FANCA: variants seen among roughly 807,000 people sequenced by gnomAD.
FANCA encodes the protein FA complementation group A.
A neutral mutation model predicts 194.3 loss-of-function variants in FANCA; 236 were observed. The ratio of observed to expected loss-of-function variants is 1.21; its 90% CI spans 1.09 to 1.35. The LOEUF (loss-of-function observed/expected upper bound fraction) is 1.35, where lower values mean the gene tolerates loss of function less well. Ranked by LOEUF, FANCA falls within the 40% of genes most tolerant of loss-of-function variation. The probability of loss-of-function intolerance (pLI) is 0.00; values close to 1 mark genes in which losing one functional copy is unlikely to be tolerated. For missense variants in FANCA, 2,628 were observed against 1,813.9 expected (o/e 1.45, Z -8.15); for synonymous variants, 1,014 against 715.8 (o/e 1.42, Z -6.65).
rs574463990 is a variant in FANCA at position 89,754,121 on chromosome 16, C to G, written c.2982-1899G>C. ...CCTGTAATCCCAGCTACTCGGGAGGCTGAGGCAGGAGAATCGCTTGAACCT... is the reference window on the plus strand; with the variant it reads ...CCTGTAATCCCAGCTACTCGGGAGGGTGAGGCAGGAGAATCGCTTGAACCT... On this transcript the variant is annotated intron_variant, in intron 30 of 42. Transcript: ENST00000389301. Among the ~76,000 whole-genome samples, 21 of 152,026 alleles carry G rather than the reference C, an allele frequency of 1.4e-4. No individual in the cohort carries two copies. In the South Asian group the frequency reaches 4.0e-3, roughly 29 times the overall value.
In FANCA at chr16:89,769,830, A is replaced by G. The variant is rs1212871121; in HGVS notation, c.2504+7T>C. On this transcript the variant is annotated splice_region_variant and intron_variant, in intron 26 of 42. Transcript: ENST00000389301. ...AGAGAAGACGCGACTGTGGAAGAAG[A>G]GCTCACTTCAGGCAGAAGAACAAGG... The G allele has an allele frequency of 1.5e-5, 24 of 1,613,976 alleles. No individual in the cohort carries two copies. Among genetic ancestry groups the G allele is most frequent in the Non-Finnish European group, 2.0e-5 (24 of 1,179,992 alleles).
Position 89,792,086 on chromosome 16 carries a change from G to A in FANCA, c.1084-18C>T, listed in dbSNP as rs368730853. 9.3e-6 allele frequency: 15 copies of A among 1,614,056 alleles called. No homozygotes were observed. Among genetic ancestry groups the A allele is most frequent in the South Asian group, 2.2e-5 (2 of 91,078 alleles). On this transcript the variant is annotated intron_variant, in intron 12 of 42. Transcript: ENST00000389301. ...ACAAAGAGCTGAAATAAAAGCATCC[G>A]CTCCCTTCAATATCCAAGCAAACCA...
At chr16:89,777,956 G>C (rs1259291566) in intron 20 of FANCA, among the ~76,000 whole-genome samples, 1 of 152,120 alleles carries the variant, frequency 6.6e-6, no homozygotes, top group Non-Finnish European at 1.5e-5. Context: ...GAGCCCAGGA[G>C]TTCAAGACCA....
intron 29 of FANCA, 99 bp downstream of exon 29, chr16:89,761,850 T>G: frequency 1.0e-6 from 1 of 965,476 alleles, no homozygotes; most frequent in Admixed American, 1.7e-5. Context: ...GACCTCAAAC[T>G]CCTGGATTCA....
chr16:89,791,762 TG>T, intron 13 of FANCA, 164 bp downstream of exon 13: 1 of 1,014,572 alleles, frequency 9.9e-7, no homozygotes, highest in Non-Finnish European at 1.5e-6. Flanking sequence ...TCAGTGCTTA[TG>T]GAAGCGTCTG....
chr16:89,782,824 C>A (rs371314755), intron 17 of FANCA, 35 bp downstream of exon 17: 66 of 1,587,858 alleles, frequency 4.2e-5, no homozygotes, highest in Non-Finnish European at 5.5e-5. Context: ...GTGGGCGTGA[C>A]TGGCTGAGAC....
At position 89,739,822 on chromosome 16, in the gene FANCA, G is replaced by A. The variant is rs1008355950; in HGVS notation, c.3934+172C>T. 9.5e-6 allele frequency: 14 copies of A among 1,471,234 alleles called. No individual in the cohort carries two copies. In the African/African-American group the frequency reaches 1.7e-4, roughly 18 times the overall value. 91.1% of individuals were successfully genotyped at this position (1,471,234 alleles called of 1,614,324 possible). On this transcript the variant is annotated intron_variant, in intron 39 of 42. Transcript: ENST00000389301. ...GGTCCTGGGGTTGACCAGTGAGCCA[G>A]TAAATTATCTTATTGCTTTAAACAA...
chr16:89,746,887 T>C lies in FANCA; in HGVS notation c.3352A>G (p.Asn1118Asp), dbSNP rs371208490. 4 of 1,555,756 alleles carry C rather than the reference T, an allele frequency of 2.6e-6. No homozygotes were observed. The highest frequency in any genetic ancestry group is 3.5e-6 in the Non-Finnish European group (4 of 1,149,006). Residue 1118 changes from asparagine (N) to aspartate (D), a missense_variant, in exon 34 of 43, where the codon AAC becomes GAC. Coordinates refer to ENST00000389301, the MANE Select transcript of FANCA (RefSeq NM_000135.4). ...FFHLVNSEMR[N>D]FCSHGGALTQ... ...AGGGCACCTCCGTGGGAGCAGAAGT[T>C]TCTCTGCAAAAGAGTTCAAGGCAGG... is the stretch of plus-strand genomic sequence containing the variant.
intron 11 of FANCA, among the ~76,000 whole-genome samples, chr16:89,794,968 A>G (rs1427842503): frequency 6.6e-6 from 1 of 152,142 alleles, no homozygotes; most frequent in African/African-American, 2.4e-5. Flanking sequence ...GAGAATGTGC[A>G]TGCTCAAACA....
chr16:89,770,511 A>C lies in FANCA; in HGVS notation c.2222+53T>G, dbSNP rs2039286500. Reference sequence around the variant, plus strand: ...CCTGGTCTGCAGACTTGGCCCAGCAAGAGGTGGCACCCAGAGGAGCCCCAC... The same window carrying C: ...CCTGGTCTGCAGACTTGGCCCAGCACGAGGTGGCACCCAGAGGAGCCCCAC... On this transcript the variant is annotated intron_variant, in intron 24 of 42. Transcript: ENST00000389301. The C allele has an allele frequency of 2.0e-6, 3 of 1,519,988 alleles. No homozygotes were observed. The East Asian group carries it at 7.2e-5, about 37-fold the overall frequency. The allele number at this position is 1,519,988 out of a possible 1,614,324, so 94.2% of individuals were successfully genotyped here.
At chr16:89,807,717 T>C (rs2040712570) in intron 6 of FANCA, among the ~76,000 whole-genome samples, 1 of 152,032 alleles carries the variant, frequency 6.6e-6, no homozygotes, top group Non-Finnish European at 1.5e-5. Context: ...ACCCAGTCTC[T>C]ACTAAAAATA....
At position 89,738,430 on chromosome 16, in the gene FANCA, G is replaced by T; in HGVS notation, c.*171C>A. On this transcript the variant is annotated 3_prime_UTR_variant, in exon 43 of 43. Transcript: ENST00000389301. ...TCTGGGACCAGTGGTTTATTTTCCCGCAAACGCTGAGTGACTCGGGGCCGG... is the reference window on the plus strand; with the variant it reads ...TCTGGGACCAGTGGTTTATTTTCCCTCAAACGCTGAGTGACTCGGGGCCGG... The T allele has an allele frequency of 7.3e-7, 1 of 1,374,292 alleles. No homozygotes were observed. Among genetic ancestry groups the T allele is most frequent in the Non-Finnish European group, 9.9e-7 (1 of 1,009,404 alleles). 85.1% of individuals were successfully genotyped at this position (1,374,292 alleles called of 1,614,324 possible). A position where few individuals can be genotyped will look rare whatever the true frequency, so the allele number is the denominator to read the frequency against.
intron 29 of FANCA, among the ~76,000 whole-genome samples, chr16:89,759,181 G>A (rs541873185): frequency 6.6e-6 from 1 of 151,740 alleles, no homozygotes; most frequent in Admixed American, 6.6e-5. Flanking sequence ...TTAGCCGGGC[G>A]TGGTGGTGGG....
chr16:89,816,532 C>T lies in FANCA; in HGVS notation c.79+5G>A. ...CCACTCCCGCGGCCTGCCGCGCCCA[C>T]CTACCCAGCAGCTCGGCCCAGGCCC... On this transcript the variant is annotated splice_donor_5th_base_variant and intron_variant, in intron 1 of 42. Transcript: ENST00000389301. The T allele has an allele frequency of 6.7e-7, 1 of 1,492,622 alleles. No individual in the cohort carries two copies. The highest frequency in any genetic ancestry group is 8.9e-7 in the Non-Finnish European group (1 of 1,128,202). 92.5% of individuals were successfully genotyped at this position (1,492,622 alleles called of 1,614,324 possible).
chr16:89,779,164 T>C (rs2039617655), intron 18 of FANCA, among the ~76,000 whole-genome samples, 161 bp from the exon 19 acceptor site: 1 of 152,130 alleles, frequency 6.6e-6, no homozygotes, highest in Admixed American at 6.6e-5. Flanking sequence ...AAGGCATGTG[T>C]AGGGCAGGCC....
chr16:89,775,022 G>A (rs2143386646), intron 21 of FANCA, among the ~76,000 whole-genome samples: 1 of 151,764 alleles, frequency 6.6e-6, no homozygotes, highest in South Asian at 2.1e-4. Context: ...TGAACCCAGG[G>A]GGCAGAGGTT....
chr16:89,738,969 G>C lies in FANCA; in HGVS notation c.4173C>G (p.Asn1391Lys). 1 of 1,614,238 alleles carries C rather than the reference G, an allele frequency of 6.2e-7. No individual in the cohort carries two copies. The highest frequency in any genetic ancestry group is 8.5e-7 in the Non-Finnish European group (1 of 1,180,042). The change falls in exon 42 of 43, where the codon AAC becomes AAG. Residue 1391 changes from asparagine to lysine, a missense_variant. By Grantham distance (94) the Asn-to-Lys change is moderately conservative (BLOSUM62 0). Transcript: ENST00000389301. ...GAGCTTTTGTTATCAGTTCCACGGGGTTGCCCTAGAGAGAAAACAGGCAAA... is the reference window on the plus strand; with the variant it reads ...GAGCTTTTGTTATCAGTTCCACGGGCTTGCCCTAGAGAGAAAACAGGCAAA... ...GRSLELKGQG[N>K]PVELITKARL...
chr16:89,761,420 G>GAAAAAAAAAAA (rs56659330), intron 29 of FANCA, among the ~76,000 whole-genome samples: 3 of 95,706 alleles, frequency 3.1e-5, no homozygotes, highest in Non-Finnish European at 6.6e-5. Context: ...CTCTGTCTCA[G>GAAAAAAAAAAA]AAAAAAAAAA....
At chr16:89,812,936 G>A (rs2040956272) in intron 3 of FANCA, among the ~76,000 whole-genome samples, 1 of 151,306 alleles carries the variant, frequency 6.6e-6, no homozygotes, top group Non-Finnish European at 1.5e-5. Flanking sequence ...GGGAGGCTGA[G>A]GCAGGAGAAT....
Sources: gnomAD v4.1 joint callset for allele counts (sites outside exome capture counted in the v4.1 genomes callset) on GRCh38, gnomAD v4.1.1 for gene constraint, MANE v1.5 for transcripts, NCBI Gene and HGNC (gene_info 2026-07-23, HGNC 2026-07-21) for gene names.